The following SOX6 variants were observed in gnomAD, a reference collection of about 807,000 sequenced individuals.
SOX6 encodes SRY-box transcription factor 6.
In SOX6, 11 loss-of-function variants were observed where a neutral mutation model predicts 97.8. The observed-to-expected ratio is 0.11, with a 90% CI of 0.07 to 0.19. The LOEUF is 0.19. Among genes scored for constraint, SOX6 ranks in the 10% least tolerant of loss-of-function variants. SOX6 has a pLI of 1.00. For missense variants in SOX6, 810 were observed against 1,039.5 expected, an observed-to-expected ratio of 0.78 and a Z score of 3.04; for synonymous variants, 360 against 371.4, an observed-to-expected ratio of 0.97 and a Z score of 0.35.
intron 3 of SOX6, among the ~76,000 whole-genome samples, chr11:16,661,296 A>T (rs145181277): frequency 1.4e-4 from 22 of 152,256 alleles, no homozygotes; most frequent in African/African-American, 4.6e-4. Flanking sequence ...TTAGTACGGT[A>T]TATCTTTATC....
chr11:16,645,062 G>A (rs909454961), intron 3 of SOX6, among the ~76,000 whole-genome samples: 10 of 151,984 alleles, frequency 6.6e-5, no homozygotes, highest in African/African-American at 7.3e-5. Flanking sequence ...TTCATGTATC[G>A]GGAATATTTC....
At chr11:16,065,311 A>T (rs1162178009) in intron 9 of SOX6, among the ~76,000 whole-genome samples, 1 of 151,922 alleles carries the variant, frequency 6.6e-6, no homozygotes, top group East Asian at 1.9e-4. Context: ...CTAAAAAAGT[A>T]AAAGATCTCT....
At chr11:16,601,278 A>T (rs1361107001) in intron 4 of SOX6, among the ~76,000 whole-genome samples, 2 of 152,174 alleles carry the variant, frequency 1.3e-5, no homozygotes, top group Non-Finnish European at 2.9e-5. Context: ...AATACATCCC[A>T]TCTGCAAAAC....
At chr11:16,738,414 C>T (rs934761688) in intron 1 of SOX6, 13 of 298,286 alleles carry the variant, frequency 4.4e-5, no homozygotes, top group Middle Eastern at 1.2e-3. Flanking sequence ...AAGCTCTCGG[C>T]CAACGCTCAC....
intron 2 of SOX6, among the ~76,000 whole-genome samples, chr11:16,323,964 C>T (rs570238483): frequency 6.6e-6 from 1 of 152,136 alleles, no homozygotes; most frequent in Admixed American, 6.6e-5. Context: ...AGGAGGATCA[C>T]TTCAGCCAAG....
intron 1 of SOX6, among the ~76,000 whole-genome samples, chr11:16,380,823 C>T (rs998958377): frequency 6.6e-6 from 1 of 151,972 alleles, no homozygotes; most frequent in Non-Finnish European, 1.5e-5. Context: ...AATAATTAAA[C>T]AGATGATAAA....
chr11:16,036,755 T>G (rs1181759412), intron 12 of SOX6, among the ~76,000 whole-genome samples: 1 of 152,014 alleles, frequency 6.6e-6, no homozygotes, highest in Non-Finnish European at 1.5e-5. Flanking sequence ...CTCAGAAAAA[T>G]CCAGATGGAC....
At chr11:16,480,261 ACTTAGCATGT>A (rs1427826284), upstream of SOX6, among the ~76,000 whole-genome samples, 2 of 152,118 alleles carry the variant, frequency 1.3e-5, no homozygotes, top group East Asian at 3.9e-4. Context: ...ATTTTTTTAT[ACTTAGCATGT>A]CTAATGTATG....
At chr11:16,132,328 AAG>A (rs1849778822) in intron 6 of SOX6, among the ~76,000 whole-genome samples, 54 of 108,942 alleles carry the variant, frequency 5.0e-4, no homozygotes, top group East Asian at 1.2e-3. Flanking sequence ...GGAAGGAAGG[AAG>A]GAAAGAAAAA....
At chr11:16,216,315 G>T (rs142362217) in intron 4 of SOX6, among the ~76,000 whole-genome samples, 1 of 152,118 alleles carries the variant, frequency 6.6e-6, no homozygotes, top group African/African-American at 2.4e-5. Flanking sequence ...CTAACACAAT[G>T]ATGGGCAAAT....
At chr11:16,501,488 C>T (rs1478661387) in intron 4 of SOX6, among the ~76,000 whole-genome samples, 5 of 152,014 alleles carry the variant, frequency 3.3e-5, no homozygotes, top group Non-Finnish European at 2.9e-5. Context: ...AGAGCTTCTG[C>T]ACAGCAAAAG....
At chr11:16,204,178 A>C (rs940300198) in intron 4 of SOX6, among the ~76,000 whole-genome samples, 1 of 152,164 alleles carries the variant, frequency 6.6e-6, no homozygotes, top group Admixed American at 6.5e-5. Flanking sequence ...CATATGATGA[A>C]ACATACAAAG....
intron 1 of SOX6, among the ~76,000 whole-genome samples, chr11:16,398,029 C>T (rs1008495836): frequency 5.3e-5 from 8 of 151,652 alleles, no homozygotes; most frequent in Non-Finnish European, 8.9e-5. Flanking sequence ...CAATAAATGT[C>T]ATCCCAGGCT....
chr11:16,609,318 A>C (rs1407428800), intron 4 of SOX6, among the ~76,000 whole-genome samples: 2 of 152,242 alleles, frequency 1.3e-5, no homozygotes, highest in South Asian at 4.1e-4. Context: ...AACTACATCA[A>C]GATAAAAGCT....
chr11:16,612,288 A>G (rs1258232683), intron 3 of SOX6: 1 of 151,552 alleles, frequency 6.6e-6, no homozygotes, highest in East Asian at 1.9e-4. Context: ...TACACGTCAC[A>G]TCAGAGTCCC....
chr11:16,600,604 T>G (rs1205493473), intron 4 of SOX6, among the ~76,000 whole-genome samples: 2 of 152,196 alleles, frequency 1.3e-5, no homozygotes, highest in Admixed American at 6.5e-5. Context: ...TCAACTGATA[T>G]TTCTATCCAA....
chr11:16,248,543 C>T (rs372898532), intron 3 of SOX6, among the ~76,000 whole-genome samples: 17 of 152,344 alleles, frequency 1.1e-4, no homozygotes, highest in African/African-American at 3.4e-4. Context: ...TCCTACCCCT[C>T]GTGAAAGTTG....
At chr11:16,253,737 A>C (rs890704703) in intron 3 of SOX6, among the ~76,000 whole-genome samples, 1 of 152,104 alleles carries the variant, frequency 6.6e-6, no homozygotes, top group Admixed American at 6.6e-5. Context: ...TACAAATGGT[A>C]TATCATATGT....
intron 3 of SOX6, among the ~76,000 whole-genome samples, chr11:16,259,919 G>A (rs552280974): frequency 5.4e-5 from 8 of 149,074 alleles, no homozygotes; most frequent in South Asian, 2.1e-4. Flanking sequence ...TTTACCACAC[G>A]CATGTTATAC....
Sources: allele counts gnomAD v4.1 joint callset (sites outside exome capture counted in the v4.1 genomes callset), GRCh38; gene constraint gnomAD v4.1.1; transcripts MANE v1.5; gene names NCBI Gene and HGNC (gene_info 2026-07-23, HGNC 2026-07-21).